Variants in NFATC3 observed in about 807,000 individuals in gnomAD.
NFATC3 encodes nuclear factor of activated T cells 3.
Under a neutral mutation model 98.6 loss-of-function variants are expected in NFATC3, and 46 were observed. The observed-to-expected ratio is 0.47, with a 90% CI of 0.37 to 0.60. The LOEUF (loss-of-function observed/expected upper bound fraction) is 0.60, where lower values mean the gene tolerates loss of function less well. NFATC3 is among the 20% of genes least tolerant of loss of function. The pLI, the probability that NFATC3 is intolerant of heterozygous loss-of-function variation, is 0.00. For synonymous variants in NFATC3, 512 were observed against 472.2 expected (o/e 1.08, Z -1.09); for missense variants, 1,256 against 1,295.5 (o/e 0.97, Z 0.47).
intron 9 of NFATC3, among the ~76,000 whole-genome samples, chr16:68,197,626 T>A (rs1455484942): frequency 6.6e-6 from 1 of 152,208 alleles, no homozygotes; most frequent in Non-Finnish European, 1.5e-5. Flanking sequence ...CCAGAAAGGA[T>A]TGAAAGTGAC....
chr16:68,086,518 C>G (rs1334872730), intron 1 of NFATC3: 1 of 297,224 alleles, frequency 3.4e-6, no homozygotes, highest in African/African-American at 2.3e-5. Flanking sequence ...TGGGCACCAT[C>G]ATGCTTGCAG....
chr16:68,196,566 G>A (rs1424966752), intron 9 of NFATC3, among the ~76,000 whole-genome samples: 1 of 152,124 alleles, frequency 6.6e-6, no homozygotes, highest in Non-Finnish European at 1.5e-5. Context: ...GGTGGTGGGA[G>A]CTTGTAATCC....
At chr16:68,110,177 G>A (rs1248290315) in intron 1 of NFATC3, among the ~76,000 whole-genome samples, 2 of 151,338 alleles carry the variant, frequency 1.3e-5, no homozygotes. Context: ...GCTAATTTTT[G>A]TATTTTTAGT....
chr16:68,124,399 A>G (rs1441750628), intron 2 of NFATC3, among the ~76,000 whole-genome samples: 1 of 148,990 alleles, frequency 6.7e-6, no homozygotes. Context: ...GGCAGGAGCC[A>G]CTGTGCCCGG....
At chr16:68,195,242 C>T (rs189051983) in intron 9 of NFATC3, among the ~76,000 whole-genome samples, 4 of 152,008 alleles carry the variant, frequency 2.6e-5, no homozygotes, top group Admixed American at 6.5e-5. Context: ...GCGACAAGAA[C>T]GATACTCTGT....
chr16:68,130,014 T>C, intron 3 of NFATC3, among the ~76,000 whole-genome samples: 1 of 152,150 alleles, frequency 6.6e-6, no homozygotes, highest in East Asian at 1.9e-4. Context: ...TAGTATTCAA[T>C]TGTGTATATA....
chr16:68,214,330 C>T, intron 9 of NFATC3: 1 of 1,613,918 alleles, frequency 6.2e-7, no homozygotes, highest in Non-Finnish European at 8.5e-7. Flanking sequence ...TTGACACAGA[C>T]CAATTTATAT....
chr16:68,197,938 T>G (rs1340955489), intron 9 of NFATC3, among the ~76,000 whole-genome samples: 2 of 152,218 alleles, frequency 1.3e-5, no homozygotes, highest in East Asian at 3.8e-4. Flanking sequence ...ACTGTTACTT[T>G]TAGAAATGTG....
intron 9 of NFATC3, among the ~76,000 whole-genome samples, chr16:68,204,265 G>C (rs932400444): frequency 2.6e-5 from 4 of 152,142 alleles, no homozygotes; most frequent in African/African-American, 9.7e-5. Flanking sequence ...ATGAGGCTGA[G>C]GCAGGAGAAT....
At chr16:68,178,734 C>G (rs2039825562) in intron 6 of NFATC3, among the ~76,000 whole-genome samples, 1 of 152,170 alleles carries the variant, frequency 6.6e-6, no homozygotes, top group Non-Finnish European at 1.5e-5. Context: ...CTGTCCCTTC[C>G]TTTCCACTGT....
chr16:68,110,518 G>A (rs1156788279), intron 1 of NFATC3, among the ~76,000 whole-genome samples: 1 of 150,982 alleles, frequency 6.6e-6, no homozygotes, highest in East Asian at 2.0e-4. Flanking sequence ...GTTTCATCGT[G>A]TTAGCCAGGA....
At chr16:68,153,561 A>C (rs1275643051) in intron 3 of NFATC3, among the ~76,000 whole-genome samples, 3 of 152,234 alleles carry the variant, frequency 2.0e-5, no homozygotes, top group Non-Finnish European at 2.9e-5. Context: ...CAGTGTGACC[A>C]GCATTGACAA....
chr16:68,098,297 A>ATTTTTT (rs71382032), intron 1 of NFATC3, among the ~76,000 whole-genome samples: 35 of 101,430 alleles, frequency 3.5e-4, no homozygotes, highest in Non-Finnish European at 4.8e-4. Flanking sequence ...TATTATTATT[A>ATTTTTT]TTATTTTTTT....
At chr16:68,094,188 TTACTC>T (rs1260119225) in intron 1 of NFATC3, among the ~76,000 whole-genome samples, 1 of 152,200 alleles carries the variant, frequency 6.6e-6, no homozygotes, top group Non-Finnish European at 1.5e-5. Context: ...TTAAGGCAGT[TTACTC>T]TAAGGAGAAA....
chr16:68,105,845 T>C lies in NFATC3; in HGVS notation c.104-16142T>C, dbSNP rs573136048. Among the ~76,000 whole-genome samples, 4 of 152,246 alleles carry C rather than the reference T, an allele frequency of 2.6e-5. No homozygotes were observed. The East Asian group carries it at 7.7e-4, about 29-fold the overall frequency. On this transcript the variant is annotated intron_variant, in intron 1 of 9. Coordinates refer to ENST00000346183, the MANE Select transcript of NFATC3 (RefSeq NM_173165.3). ...AGGAGTTTGCTCATTCCTTCTAGAT[T>C]GTCTAATTTGTTGGTGTACGATTGT... is the stretch of plus-strand genomic sequence containing the variant.
Position 68,226,683 on chromosome 16 carries a change from C to G in NFATC3, c.*212C>G, listed in dbSNP as rs2042043062. 9.4e-6 allele frequency: 4 copies of G among 423,676 alleles called. No individual in the cohort carries two copies. Among genetic ancestry groups the G allele is most frequent in the Non-Finnish European group, 1.2e-5 (3 of 247,282 alleles). The allele number at this position is 423,676 out of a possible 1,614,324, so 26.2% of individuals were successfully genotyped here. On this transcript the variant is annotated 3_prime_UTR_variant, in exon 10 of 10. Coordinates refer to ENST00000346183, the MANE Select transcript of NFATC3 (RefSeq NM_173165.3). ...GCTGTTTGAGCTTTGGGGAAATGAA[C>G]TTTGCTTTTTATATTTAACTAGGAT...
intron 3 of NFATC3, among the ~76,000 whole-genome samples, chr16:68,130,864 G>A (rs2037078357): frequency 6.6e-6 from 1 of 152,038 alleles, no homozygotes; most frequent in Admixed American, 6.6e-5. Context: ...TCTGCGTGTG[G>A]ATATCCAGTG....
chr16:68,208,167 C>G (rs1187438718), intron 9 of NFATC3, among the ~76,000 whole-genome samples: 1 of 152,102 alleles, frequency 6.6e-6, no homozygotes, highest in Non-Finnish European at 1.5e-5. Context: ...TCCTGAGTAG[C>G]TGGGTTTACA....
chr16:68,198,094 C>A (rs1426582715), intron 9 of NFATC3, among the ~76,000 whole-genome samples: 2 of 152,108 alleles, frequency 1.3e-5, no homozygotes, highest in African/African-American at 4.8e-5. Context: ...CCCAGGCAGG[C>A]AGATCACTTG....
Sources: allele counts gnomAD v4.1 joint callset (sites outside exome capture counted in the v4.1 genomes callset), GRCh38; gene constraint gnomAD v4.1.1; transcripts MANE v1.5; gene names NCBI Gene and HGNC (gene_info 2026-07-23, HGNC 2026-07-21).